Variants in SETD5 observed in about 807,000 individuals in gnomAD.
The protein encoded by SETD5 is histone-lysine N-methyltransferase SETD5.
A neutral mutation model predicts 153.3 loss-of-function variants in SETD5; 44 were observed. That is an observed-to-expected ratio of 0.29 (90% CI 0.23 to 0.37). SETD5 has a LOEUF of 0.37. Ranked by LOEUF, SETD5 falls within the 10% of genes least tolerant of loss-of-function variation. The pLI, the probability that SETD5 is intolerant of heterozygous loss-of-function variation, is 1.00. For synonymous variants in SETD5, 716 were observed against 645.2 expected (o/e 1.11, Z -1.66); for missense variants, 1,544 against 1,768.0 (o/e 0.87, Z 2.27).
chr3:9,434,323 C>T lies in SETD5; in HGVS notation c.178-11C>T. The stretch of plus-strand genomic sequence containing the variant: ...CCTCCTCCGACACCTCCTGCTTCTC[C>T]CCCTGTCCAGACGATCATCCCTCGT... On this transcript the variant is annotated splice_polypyrimidine_tract_variant and intron_variant, in intron 4 of 22. Transcript: ENST00000402198. The surrounding 1 kb of genome is among the most constrained non-coding windows in gnomAD (Gnocchi z 5.6). The T allele has an allele frequency of 6.2e-7, 1 of 1,613,748 alleles. No individual in the cohort carries two copies. The highest frequency in any genetic ancestry group is 8.5e-7 in the Non-Finnish European group (1 of 1,179,712).
At chr3:9,441,391 G>GGA (rs2041273557) in intron 8 of SETD5, among the ~76,000 whole-genome samples, 3 of 150,634 alleles carry the variant, frequency 2.0e-5, no homozygotes, top group Admixed American at 1.3e-4. Context: ...CCGTTTCTGG[G>GGA]GAGGCAATTT....
At chr3:9,415,583 A>T (rs2037287718) in intron 1 of SETD5, among the ~76,000 whole-genome samples, 1 of 151,882 alleles carries the variant, frequency 6.6e-6, no homozygotes, top group Non-Finnish European at 1.5e-5. Context: ...TTTTATTATT[A>T]TTATTTTTTT....
intron 17 of SETD5, among the ~76,000 whole-genome samples, chr3:9,459,759 A>T (rs1050551172): frequency 5.3e-5 from 8 of 151,852 alleles, no homozygotes; most frequent in African/African-American, 1.7e-4. Flanking sequence ...ATATACGATG[A>T]CTAAGGTTCC....
chr3:9,404,581 C>T (rs1007974753), intron 1 of SETD5, among the ~76,000 whole-genome samples: 3 of 151,992 alleles, frequency 2.0e-5, no homozygotes, highest in Non-Finnish European at 2.9e-5. Context: ...ATTTGTGGGA[C>T]TAAAATAGAA....
rs528498212 is a variant in SETD5 at position 9,475,008 on chromosome 3, CTCTT to C, written c.3632-55_3632-52del. ...CACTGGTGATTTAAATGAAAAATGG[CTCTT>C]TCTTACTTATTCTAAGAAGCCAAGT... On this transcript the variant is annotated intron_variant, in intron 21 of 22. Coordinates refer to ENST00000402198, the MANE Select transcript of SETD5 (RefSeq NM_001080517.3). The C allele has an allele frequency of 3.8e-4, 549 of 1,439,394 alleles. 7 individuals are homozygous for C. The African/African-American group carries it at 7.0e-3, about 18-fold the overall frequency. 89.2% of individuals were successfully genotyped at this position (1,439,394 alleles called of 1,614,324 possible). A position where few individuals can be genotyped will look rare whatever the true frequency, so the allele number is the denominator to read the frequency against.
chr3:9,420,307 T>C (rs2038177061), intron 1 of SETD5, among the ~76,000 whole-genome samples: 1 of 152,212 alleles, frequency 6.6e-6, no homozygotes, highest in Non-Finnish European at 1.5e-5. Flanking sequence ...CCTCTTCTGC[T>C]CCACATACTA....
At chr3:9,462,023 A>C (rs1421235498) in intron 17 of SETD5, among the ~76,000 whole-genome samples, 2 of 152,254 alleles carry the variant, frequency 1.3e-5, no homozygotes, top group Non-Finnish European at 2.9e-5. Flanking sequence ...AAATCCTGAG[A>C]TATCAGAAAG....
At position 9,429,139 on chromosome 3, in the gene SETD5, C is replaced by G; in HGVS notation, c.71+130C>G. On this transcript the variant is annotated intron_variant, in intron 3 of 22. Transcript: ENST00000402198. The stretch of plus-strand genomic sequence containing the variant: ...CTATTCCACTGTAATTAACATTAGA[C>G]CTTTCCCTTTACCCCCATTGAAGGT... 3 of 517,440 alleles carry G rather than the reference C, an allele frequency of 5.8e-6. No homozygotes were observed. In the South Asian group the frequency reaches 1.2e-4, roughly 21 times the overall value. 32.1% of individuals were successfully genotyped at this position (517,440 alleles called of 1,614,324 possible). A position where few individuals can be genotyped will look rare whatever the true frequency, so the allele number is the denominator to read the frequency against.
intron 17 of SETD5, among the ~76,000 whole-genome samples, chr3:9,454,945 CAACA>C (rs1257279135): frequency 6.6e-6 from 1 of 151,954 alleles, no homozygotes; most frequent in East Asian, 1.9e-4. Flanking sequence ...TTTCAGGTTG[CAACA>C]AACAGAATAT....
chr3:9,461,472 G>A (rs564075009), intron 17 of SETD5, among the ~76,000 whole-genome samples: 12 of 152,226 alleles, frequency 7.9e-5, no homozygotes, highest in African/African-American at 2.6e-4. Flanking sequence ...TTCAGGTTGT[G>A]TATGTGCTGT....
At chr3:9,466,402 A>C (rs2044590315) in intron 18 of SETD5, among the ~76,000 whole-genome samples, 1 of 151,830 alleles carries the variant, frequency 6.6e-6, no homozygotes, top group Admixed American at 6.6e-5. Context: ...ACTATTAAAC[A>C]CTGCAAATAT....
chr3:9,428,588 C>T (rs1388086550), intron 2 of SETD5, among the ~76,000 whole-genome samples: 1 of 152,132 alleles, frequency 6.6e-6, no homozygotes, highest in Non-Finnish European at 1.5e-5. Flanking sequence ...TCTTCCTTTC[C>T]CTTCAACTGA....
chr3:9,461,326 T>C (rs2043931425), intron 17 of SETD5, among the ~76,000 whole-genome samples: 1 of 152,192 alleles, frequency 6.6e-6, no homozygotes, highest in African/African-American at 2.4e-5. Flanking sequence ...TTTCTATTCA[T>C]TGTCATAAAA....
intron 3 of SETD5, chr3:9,431,692 T>C: frequency 1.0e-6 from 1 of 985,848 alleles, no homozygotes; most frequent in Non-Finnish European, 1.2e-6. Context: ...ATATACATTT[T>C]ATTTTTATTC....
intron 17 of SETD5, among the ~76,000 whole-genome samples, chr3:9,457,716 G>T (rs1172472377): frequency 6.7e-6 from 1 of 148,816 alleles, no homozygotes; most frequent in Non-Finnish European, 1.5e-5. Context: ...TATTTTTAAA[G>T]TCTGAGGAAA....
intron 22 of SETD5, 94 bp downstream of exon 22, chr3:9,475,250 C>CA: frequency 7.9e-7 from 1 of 1,267,608 alleles, no homozygotes; most frequent in Non-Finnish European, 1.1e-6. Context: ...GCTGTCTTTG[C>CA]ATATAGTTTC....
intron 1 of SETD5, among the ~76,000 whole-genome samples, chr3:9,423,836 G>C (rs1368264063): frequency 6.6e-6 from 1 of 152,160 alleles, no homozygotes; most frequent in Non-Finnish European, 1.5e-5. Flanking sequence ...AAACACCAGA[G>C]ACTTAAAGGA....
chr3:9,471,539 G>C (rs779110533), intron 19 of SETD5, among the ~76,000 whole-genome samples: 1 of 152,212 alleles, frequency 6.6e-6, no homozygotes, highest in Non-Finnish European at 1.5e-5. Flanking sequence ...ATGCAGTATG[G>C]TGCAAACAGT....
intron 13 of SETD5, among the ~76,000 whole-genome samples, 191 bp from the exon 14 acceptor site, chr3:9,446,850 GACCTTGCCT>G (rs1230806073): frequency 6.6e-6 from 1 of 152,060 alleles, no homozygotes; most frequent in African/African-American, 2.4e-5. Context: ...GTTTATGTTT[GACCTTGCCT>G]TTATTTACAA....
Sources: gnomAD v4.1 joint callset for allele counts (sites outside exome capture counted in the v4.1 genomes callset) on GRCh38, gnomAD v4.1.1 for gene constraint, Gnocchi (gnomAD v3.1) non-coding constraint, MANE v1.5 for transcripts, NCBI Gene and HGNC (gene_info 2026-07-23, HGNC 2026-07-21) for gene names.